The following SKAP2 variants were observed in gnomAD, a reference collection of about 807,000 sequenced individuals.
SKAP2 encodes src kinase associated phosphoprotein 2, also known as src kinase-associated phosphoprotein 2.
In SKAP2, 28 loss-of-function variants were observed where a neutral mutation model predicts 54.9. That is an observed-to-expected ratio of 0.51 (90% CI 0.38 to 0.70). The LOEUF (loss-of-function observed/expected upper bound fraction) is 0.70, where lower values mean the gene tolerates loss of function less well. SKAP2 is among the 30% of genes least tolerant of loss of function. SKAP2 has a pLI of 0.00. For missense variants in SKAP2, 356 were observed against 424.1 expected (o/e 0.84, Z 1.41); for synonymous variants, 137 against 134.3 (o/e 1.02, Z -0.14).
rs184188899 is a variant in SKAP2, at chr7:26,767,060, T to A, written c.308-27096A>T. Among the ~76,000 whole-genome samples the A allele has an allele frequency of 8.5e-5, 13 of 152,334 alleles. No homozygotes were observed. The East Asian group carries it at 2.3e-3, about 27-fold the overall frequency. On this transcript the variant is annotated intron_variant, in intron 4 of 12. Coordinates refer to ENST00000345317, the MANE Select transcript of SKAP2 (RefSeq NM_003930.5). ...AAGGAATAGTACCAGCTCCTTTTTG[T>A]ATCTCTGGTACAATTCGCCTGTGAA...
intron 1 of SKAP2, chr7:26,855,139 G>A (rs1464114346): frequency 4.1e-6 from 1 of 243,292 alleles, no homozygotes. Flanking sequence ...CTATTTGGAT[G>A]TTTGGCATCA....
chr7:26,770,183 G>A (rs1483120078), intron 4 of SKAP2, among the ~76,000 whole-genome samples: 2 of 152,176 alleles, frequency 1.3e-5, no homozygotes, highest in Non-Finnish European at 2.9e-5. Flanking sequence ...AGGCAGTCTG[G>A]TTACAGTGGC....
intron 4 of SKAP2, among the ~76,000 whole-genome samples, chr7:26,746,077 T>G (rs969021515): frequency 1.3e-5 from 2 of 152,172 alleles, no homozygotes; most frequent in Non-Finnish European, 2.9e-5. Flanking sequence ...GCACTGTAAT[T>G]TTGTATAAAG....
At chr7:26,719,647 T>C (rs376135813) in intron 9 of SKAP2, among the ~76,000 whole-genome samples, 4 of 152,150 alleles carry the variant, frequency 2.6e-5, no homozygotes, top group Non-Finnish European at 5.9e-5. Flanking sequence ...CTCATGAAAA[T>C]AGAGAAAATG....
At chr7:26,777,840 C>A (rs1783344979) in intron 4 of SKAP2, among the ~76,000 whole-genome samples, 2 of 151,764 alleles carry the variant, frequency 1.3e-5, no homozygotes, top group African/African-American at 4.8e-5. Context: ...GGAAAACAGA[C>A]CAAGTTCTGG....
At chr7:26,783,593 C>A (rs1211822238) in intron 4 of SKAP2, among the ~76,000 whole-genome samples, 3 of 152,190 alleles carry the variant, frequency 2.0e-5, no homozygotes, top group African/African-American at 4.8e-5. Flanking sequence ...GAAATCCCAC[C>A]TATAGGCTCT....
Position 26,725,428 on chromosome 7 carries a change from CT to C in SKAP2, c.795del (p.Glu266LysfsTer9). ...PIDDEIYEEL[P>X]EEEEDSAPVK... ...AAATGAATCACCAGAAAGTAAATAC[CT>C]GGAAGTTCTTCATAAATTTCATCAT... On this transcript the variant is annotated frameshift_variant and splice_region_variant, in exon 9 of 13. Transcript: ENST00000345317. LOFTEE classifies it high-confidence loss of function. 1 of 1,607,788 alleles carries C rather than the reference CT, an allele frequency of 6.2e-7. No individual in the cohort carries two copies. Among genetic ancestry groups the C allele is most frequent in the Non-Finnish European group, 8.5e-7 (1 of 1,176,698 alleles).
chr7:26,846,251 A>AT (rs1784918388), intron 3 of SKAP2, among the ~76,000 whole-genome samples: 1 of 152,180 alleles, frequency 6.6e-6, no homozygotes, highest in Non-Finnish European at 1.5e-5. Context: ...TTTTGCTATT[A>AT]TAACTATTTA....
At chr7:26,779,472 A>C (rs1194923083) in intron 4 of SKAP2, among the ~76,000 whole-genome samples, 1 of 152,086 alleles carries the variant, frequency 6.6e-6, no homozygotes, top group Non-Finnish European at 1.5e-5. Flanking sequence ...TTGTTCGTTG[A>C]CATCAAATAT....
At chr7:26,813,691 T>C (rs1584405104) in intron 4 of SKAP2, among the ~76,000 whole-genome samples, 1 of 152,208 alleles carries the variant, frequency 6.6e-6, no homozygotes, top group Admixed American at 6.5e-5. Flanking sequence ...GAACCCTTCC[T>C]GATGAGCACC....
At chr7:26,713,704 A>T (rs1351872032) in intron 9 of SKAP2, among the ~76,000 whole-genome samples, 1 of 151,588 alleles carries the variant, frequency 6.6e-6, no homozygotes, top group Non-Finnish European at 1.5e-5. Context: ...GGTTCACACC[A>T]TTCTCCTGCC....
At chr7:26,757,296 A>C (rs1027356945) in intron 4 of SKAP2, among the ~76,000 whole-genome samples, 3 of 152,134 alleles carry the variant, frequency 2.0e-5, no homozygotes, top group South Asian at 2.1e-4. Context: ...TAGGGTTTTT[A>C]TGGTTTTAGG....
At chr7:26,847,563 G>C (rs213537) in intron 3 of SKAP2, among the ~76,000 whole-genome samples, 4,972 of 151,160 alleles carry the variant, frequency 0.033, 130 homozygotes, top group Non-Finnish European at 0.05. Context: ...TCAACAATAG[G>C]CATCAGGTAA....
At chr7:26,680,544 T>G (rs1437964542) in intron 11 of SKAP2, among the ~76,000 whole-genome samples, 1 of 152,222 alleles carries the variant, frequency 6.6e-6, no homozygotes, top group Non-Finnish European at 1.5e-5. Flanking sequence ...ACAATACAAC[T>G]GTCATTAAAA....
At chr7:26,864,246 G>A (rs1785327322) in intron 1 of SKAP2, 117 bp downstream of exon 1, 1 of 1,261,458 alleles carries the variant, frequency 7.9e-7, no homozygotes, top group Non-Finnish European at 1.1e-6. Flanking sequence ...CCACTGGCTA[G>A]AAGACGTGGG....
chr7:26,802,225 C>T (rs1783928697), intron 4 of SKAP2, among the ~76,000 whole-genome samples: 1 of 146,136 alleles, frequency 6.8e-6, no homozygotes, highest in African/African-American at 2.5e-5. Context: ...TCATTTTTGA[C>T]AAAGGTACTA....
intron 4 of SKAP2, among the ~76,000 whole-genome samples, chr7:26,793,215 T>C (rs144723228): frequency 1.2e-3 from 188 of 152,314 alleles, no homozygotes; most frequent in Admixed American, 3.5e-3. Flanking sequence ...AAAAGCACAA[T>C]TGCCAACTAT....
At chr7:26,719,282 G>A (rs970684224) in intron 9 of SKAP2, among the ~76,000 whole-genome samples, 4 of 152,154 alleles carry the variant, frequency 2.6e-5, no homozygotes, top group Non-Finnish European at 5.9e-5. Flanking sequence ...ATTAAAGTGA[G>A]CTCCTCTTCA....
chr7:26,788,244 T>C lies in SKAP2; in HGVS notation c.308-48280A>G, dbSNP rs537569277. On this transcript the variant is annotated intron_variant, in intron 4 of 12. Coordinates refer to ENST00000345317, the MANE Select transcript of SKAP2 (RefSeq NM_003930.5). ...CGATCATTTCATATTGTTATGAAGT[T>C]ACAGTACCAGAACAATCAGTAGATA... Among the ~76,000 whole-genome samples the C allele has an allele frequency of 3.9e-5, 6 of 152,336 alleles. No individual in the cohort carries two copies. The East Asian group carries it at 1.2e-3, about 29-fold the overall frequency.
Sources: gnomAD v4.1 joint callset for allele counts (sites outside exome capture counted in the v4.1 genomes callset) on GRCh38, gnomAD v4.1.1 for gene constraint, MANE v1.5 for transcripts, NCBI Gene and HGNC (gene_info 2026-07-23, HGNC 2026-07-21) for gene names.